ATIC: variants seen among roughly 807,000 people sequenced by gnomAD.
The protein encoded by ATIC is bifunctional purine biosynthesis protein ATIC.
ATIC carries 64 observed loss-of-function variants against 72.5 expected under a neutral mutation model. The ratio of observed to expected loss-of-function variants is 0.88; its 90% CI spans 0.72 to 1.09. The LOEUF is 1.09. Among genes scored for constraint, ATIC ranks in the 50% least tolerant of loss-of-function variants. The pLI is 0.00. For missense variants in ATIC, 787 were observed against 732.4 expected (o/e 1.07, Z -0.86); for synonymous variants, 281 against 267.1 (o/e 1.05, Z -0.51).
Position 215,335,380 on chromosome 2 carries a change from C to T in ATIC, c.1008+376C>T, listed in dbSNP as rs142797505. Among the ~76,000 whole-genome samples the T allele has an allele frequency of 2.2e-3, 341 of 152,216 alleles. 3 individuals carry two copies. The highest frequency in any genetic ancestry group is 3.4e-3 in the Middle Eastern group (1 of 294). On this transcript the variant is annotated intron_variant, in intron 10 of 15. Coordinates refer to ENST00000236959, the MANE Select transcript of ATIC (RefSeq NM_004044.7). ...AACAGAAACTACATTAATAAACTTA[C>T]CCCATCAGTTGAATACCAAACAGGT...
At chr2:215,322,605 T>G in intron 4 of ATIC, among the ~76,000 whole-genome samples, 1 of 152,202 alleles carries the variant, frequency 6.6e-6, no homozygotes, top group Admixed American at 6.5e-5. Flanking sequence ...GTGCTGGGAT[T>G]ACAAGTGTGA....
chr2:215,330,445 C>T (rs1391513823), intron 7 of ATIC, among the ~76,000 whole-genome samples: 1 of 152,096 alleles, frequency 6.6e-6, no homozygotes, highest in Non-Finnish European at 1.5e-5. Context: ...CGCAGTTTCT[C>T]CTGTTAACAT....
chr2:215,335,102 A>G (rs2052940310), intron 10 of ATIC, 98 bp downstream of exon 10: 2 of 609,904 alleles, frequency 3.3e-6, no homozygotes, highest in South Asian at 6.4e-5. Flanking sequence ...TTATATTTAT[A>G]ATATCTTTTA....
chr2:215,333,179 A>G (rs982194573), intron 8 of ATIC, among the ~76,000 whole-genome samples, 171 bp from the exon 9 acceptor site: 17 of 152,184 alleles, frequency 1.1e-4, no homozygotes, highest in African/African-American at 4.1e-4. Context: ...TGCTCCCACA[A>G]CCATATTTTT....
At chr2:215,338,180 C>G (rs762667091) in intron 11 of ATIC, among the ~76,000 whole-genome samples, 3 of 152,114 alleles carry the variant, frequency 2.0e-5, no homozygotes, top group African/African-American at 7.2e-5. Context: ...ACGTATTGTT[C>G]CACACACCTT....
chr2:215,361,452 T>TAAGA, the ATIC span: 1 of 881,904 alleles, frequency 1.1e-6, no homozygotes. Context: ...GCAAAGGGCT[T>TAAGA]AAGAAAGAAA....
chr2:215,321,122 C>T lies in ATIC; in HGVS notation c.290+1391C>T, dbSNP rs114734478. Among the ~76,000 whole-genome samples, 770 of 152,310 alleles carry T rather than the reference C, an allele frequency of 5.1e-3. 10 individuals are homozygous for T. The highest frequency in any genetic ancestry group is 0.018 in the African/African-American group (747 of 41,566). Reference sequence around the variant, plus strand: ...TCACCCCCACCCTAAACCCTATACCCATACGCATTTATTCTCCATTTCCCC... The same window carrying T: ...TCACCCCCACCCTAAACCCTATACCTATACGCATTTATTCTCCATTTCCCC... On this transcript the variant is annotated intron_variant, in intron 4 of 15. Coordinates refer to ENST00000236959, the MANE Select transcript of ATIC (RefSeq NM_004044.7).
intron 12 of ATIC, among the ~76,000 whole-genome samples, chr2:215,339,246 GCAGTAGCTGACATTTGTAATCC>G (rs1305196662): frequency 1.3e-5 from 2 of 152,350 alleles, no homozygotes; most frequent in East Asian, 3.9e-4. Context: ...GATGCTGGGT[GCAGTAGCTGACATTTGTAATCC>G]CAACACTTTG....
At chr2:215,361,828 A>C in the ATIC span, 2 of 1,181,306 alleles carry the variant, frequency 1.7e-6, no homozygotes, top group African/African-American at 3.1e-5. Flanking sequence ...TATATTATGG[A>C]ATACAGTGTT....
intron 5 of ATIC, 130 bp from the exon 6 acceptor site, chr2:215,325,857 C>T (rs75730289): frequency 1.7e-5 from 20 of 1,177,022 alleles, no homozygotes; most frequent in East Asian, 2.7e-5. Flanking sequence ...TGAGCCACTG[C>T]GCCCAGCTTA....
chr2:215,332,484 CT>C lies in ATIC; in HGVS notation c.794del (p.Phe265SerfsTer77), dbSNP rs754173354. 47 of 1,613,982 alleles carry C rather than the reference CT, an allele frequency of 2.9e-5. No homozygotes were observed. Among genetic ancestry groups the C allele is most frequent in the Non-Finnish European group, 6.8e-6 (8 of 1,180,044 alleles). ...GCTTTAGGTATTCCAGCCGCTGCCT[CT>C]TTCAAACATGTCAGCCCAGCAGGTA... ...KEALGIPAAASFKHVSPAGAA... is the reference protein window; with the variant it reads ...KEALGIPAAAXFKHVSPAGAA... On this transcript the variant is annotated frameshift_variant, in exon 8 of 16. Coordinates refer to ENST00000236959, the MANE Select transcript of ATIC (RefSeq NM_004044.7). LOFTEE classifies it high-confidence loss of function.
At chr2:215,365,012 C>T in the ATIC span, 14 of 1,403,366 alleles carry the variant, frequency 1.0e-5, no homozygotes, top group African/African-American at 1.1e-4. Flanking sequence ...GACAGATGCA[C>T]GCATAAGCTG....
intron 4 of ATIC, among the ~76,000 whole-genome samples, chr2:215,320,175 A>G (rs2052752271): frequency 1.3e-5 from 2 of 152,220 alleles, no homozygotes; most frequent in Admixed American, 1.3e-4. Context: ...ATCAACTTGC[A>G]CAACTAACTG....
downstream of ATIC, among the ~76,000 whole-genome samples, chr2:215,353,446 CTTCA>C (rs1177028287): frequency 6.6e-6 from 1 of 152,130 alleles, no homozygotes; most frequent in Non-Finnish European, 1.5e-5. Flanking sequence ...TTGTGTTTAC[CTTCA>C]CTTCATCTAT....
At chr2:215,329,545 G>A (rs976383944) in intron 7 of ATIC, among the ~76,000 whole-genome samples, 1 of 152,098 alleles carries the variant, frequency 6.6e-6, no homozygotes, top group African/African-American at 2.4e-5. Context: ...GTATGGTTGC[G>A]ATTGTATCTA....
the ATIC span, chr2:215,364,487 A>G: frequency 6.6e-6 from 2 of 303,836 alleles, no homozygotes; most frequent in Non-Finnish European, 1.3e-5. Context: ...AACACATTCT[A>G]TTTACCACTA....
chr2:215,355,525 T>C, the ATIC span, among the ~76,000 whole-genome samples: 2 of 152,206 alleles, frequency 1.3e-5, no homozygotes, highest in African/African-American at 4.8e-5. Context: ...CCAGGCCACC[T>C]TTCTAAAGCC....
downstream of ATIC, among the ~76,000 whole-genome samples, chr2:215,351,425 TC>T (rs1034427991): frequency 1.1e-4 from 16 of 152,368 alleles, no homozygotes; most frequent in African/African-American, 3.8e-4. Flanking sequence ...GTTGTCTTTT[TC>T]ATGGTTCTTT....
At chr2:215,361,433 TC>T in the ATIC span, 2 of 807,144 alleles carry the variant, frequency 2.5e-6, no homozygotes, top group Non-Finnish European at 4.5e-6. Context: ...CTGGAGAACT[TC>T]CTCCAGAGCA....
Sources: gnomAD v4.1 joint callset for allele counts (sites outside exome capture counted in the v4.1 genomes callset) on GRCh38, gnomAD v4.1.1 for gene constraint, MANE v1.5 for transcripts, NCBI Gene and HGNC (gene_info 2026-07-23, HGNC 2026-07-21) for gene names.